The following APAF1 variants were observed in gnomAD, a reference collection of about 807,000 sequenced individuals.
APAF1 encodes the protein apoptotic peptidase activating factor 1.
APAF1 carries 91 observed loss-of-function variants against 152.4 expected under a neutral mutation model. The observed-to-expected ratio is 0.60, with a 90% CI of 0.50 to 0.71. APAF1 has a LOEUF of 0.71. APAF1 is among the 30% of genes least tolerant of loss of function. The pLI is 0.00. For missense variants in APAF1, 1,283 were observed against 1,472.0 expected, an observed-to-expected ratio of 0.87 and a Z score of 2.10; for synonymous variants, 484 against 494.1, an observed-to-expected ratio of 0.98 and a Z score of 0.27.
At chr12:98,678,585 G>T (rs2097688982) in intron 13 of APAF1, among the ~76,000 whole-genome samples, 1 of 152,244 alleles carries the variant, frequency 6.6e-6, no homozygotes, top group Non-Finnish European at 1.5e-5. Context: ...GAGCAGGCAG[G>T]ACCCCTTCCC....
Position 98,686,741 on chromosome 12 carries a change from C to A in APAF1, c.2179-7C>A. 6.2e-7 allele frequency: 1 copy of A among 1,612,392 alleles called. No homozygotes were observed. ...TGTTTATTTATCTTTTTTTCTTTCA[C>A]AAATAGCTTTGGGATTTGAATCAAA... On this transcript the variant is annotated splice_polypyrimidine_tract_variant and splice_region_variant and intron_variant, in intron 15 of 26. Transcript: ENST00000551964.
intron 21 of APAF1, among the ~76,000 whole-genome samples, chr12:98,714,956 C>G (rs900587151): frequency 8.7e-5 from 13 of 149,944 alleles, no homozygotes; most frequent in African/African-American, 2.4e-4. Flanking sequence ...CACCAGCCTT[C>G]TGATATCCTG....
At chr12:98,708,423 C>G (rs1593095630) in intron 19 of APAF1, among the ~76,000 whole-genome samples, 162 bp from the exon 20 acceptor site, 1 of 152,328 alleles carries the variant, frequency 6.6e-6, no homozygotes, top group East Asian at 1.9e-4. Flanking sequence ...CTGCATCTTA[C>G]TATAGATTGT....
intron 15 of APAF1, among the ~76,000 whole-genome samples, chr12:98,685,537 A>G (rs2097697075): frequency 6.6e-6 from 1 of 151,936 alleles, no homozygotes; most frequent in African/African-American, 2.4e-5. Flanking sequence ...GGTTTTCATT[A>G]TGTTGGCCAG....
At chr12:98,715,094 G>T in intron 21 of APAF1, among the ~76,000 whole-genome samples, 1 of 145,806 alleles carries the variant, frequency 6.9e-6, no homozygotes, top group African/African-American at 2.5e-5. Context: ...TTTTTGGAGG[G>T]CAAGCCCAGA....
At chr12:98,719,560 G>A (rs1336455417) in intron 22 of APAF1, among the ~76,000 whole-genome samples, 2 of 150,946 alleles carry the variant, frequency 1.3e-5, no homozygotes, top group African/African-American at 4.9e-5. Context: ...CACCATGTTG[G>A]CCAGGATGGT....
intron 16 of APAF1, among the ~76,000 whole-genome samples, chr12:98,688,968 A>G (rs1275460585): frequency 6.6e-6 from 1 of 151,860 alleles, no homozygotes; most frequent in East Asian, 1.9e-4. Context: ...GCCTGCTACC[A>G]TGCCCAGCTA....
chr12:98,719,391 C>T (rs1221446929), intron 22 of APAF1, among the ~76,000 whole-genome samples: 1 of 151,974 alleles, frequency 6.6e-6, no homozygotes, highest in Non-Finnish European at 1.5e-5. Context: ...TGCTCTGTTG[C>T]CAGGCTGGAG....
At chr12:98,720,112 G>A (rs1192514118) in intron 22 of APAF1, among the ~76,000 whole-genome samples, 1 of 152,142 alleles carries the variant, frequency 6.6e-6, no homozygotes, top group African/African-American at 2.4e-5. Flanking sequence ...ATCTGATGAA[G>A]TTCTTTTGAG....
chr12:98,665,943 C>A, intron 8 of APAF1, 152 bp downstream of exon 8: 1 of 780,852 alleles, frequency 1.3e-6, no homozygotes, highest in South Asian at 1.5e-5. Context: ...CTGCTGTTAG[C>A]TTCCATTAAG....
In APAF1 at chr12:98,653,696, A is replaced by ATC. The variant is rs1231737513; in HGVS notation, c.526+4013_526+4014insCT. Among the ~76,000 whole-genome samples, 209 of 83,392 alleles carry ATC rather than the reference A, an allele frequency of 2.5e-3. 9 individuals carry two copies. The highest frequency in any genetic ancestry group is 0.012 in the African/African-American group (203 of 17,496). 54.7% of individuals were successfully genotyped at this position (83,392 alleles called of 152,430 possible). A position where few individuals can be genotyped will look rare whatever the true frequency, so the allele number is the denominator to read the frequency against. ...AAAAAAAAAAAAAAAAAAAAAATAT[A>ATC]TATATATATATATATATATATATAT... On this transcript the variant is annotated intron_variant, in intron 4 of 26. Coordinates refer to ENST00000551964, the MANE Select transcript of APAF1 (RefSeq NM_181861.2).
intron 7 of APAF1, among the ~76,000 whole-genome samples, chr12:98,665,140 C>A (rs1356363895): frequency 2.0e-5 from 3 of 151,500 alleles, no homozygotes; most frequent in African/African-American, 7.3e-5. Flanking sequence ...AGCAATCCTC[C>A]CACCTCAGCC....
At chr12:98,682,849 T>C (rs948076500) in intron 14 of APAF1, among the ~76,000 whole-genome samples, 1 of 152,220 alleles carries the variant, frequency 6.6e-6, no homozygotes, top group Non-Finnish European at 1.5e-5. Context: ...TCTGCCTGCT[T>C]TCATTCATAT....
chr12:98,646,691 A>G (rs2097641020), intron 1 of APAF1, among the ~76,000 whole-genome samples: 1 of 152,338 alleles, frequency 6.6e-6, no homozygotes, highest in South Asian at 2.1e-4. Context: ...AAACCCGTTT[A>G]GACTCTTTCA....
At chr12:98,647,725 T>G (rs867128710) in intron 1 of APAF1, among the ~76,000 whole-genome samples, 4 of 143,318 alleles carry the variant, frequency 2.8e-5, no homozygotes, top group Non-Finnish European at 6.1e-5. Context: ...TTTTTTTTTT[T>G]CAGCAACAGT....
intron 22 of APAF1, among the ~76,000 whole-genome samples, chr12:98,716,721 T>C (rs2097735109): frequency 6.6e-6 from 1 of 152,238 alleles, no homozygotes; most frequent in African/African-American, 2.4e-5. Context: ...TTCATGGAAG[T>C]TGAATTATTT....
intron 22 of APAF1, among the ~76,000 whole-genome samples, chr12:98,722,360 C>CTT (rs978614665): frequency 6.6e-5 from 10 of 152,144 alleles, no homozygotes; most frequent in Non-Finnish European, 1.2e-4. Context: ...TTGCTAAACT[C>CTT]TTAAGTTTCT....
intron 13 of APAF1, among the ~76,000 whole-genome samples, chr12:98,678,792 C>T (rs1276027469): frequency 6.6e-6 from 1 of 152,234 alleles, no homozygotes; most frequent in African/African-American, 2.4e-5. Flanking sequence ...GCAGCCCGGC[C>T]AGATGTGCAC....
rs10668292 is a variant in APAF1 at position 98,707,692 on chromosome 12, C to CTATATATATATATATATATA, written c.2722-892_2722-873dup. On this transcript the variant is annotated intron_variant, in intron 19 of 26. Coordinates refer to ENST00000551964, the MANE Select transcript of APAF1 (RefSeq NM_181861.2). ...TATATTCAAGACATTATGCAAAGTA[C>CTATATATATATATATATATA]TATATATATATATATATATACATAT... Among the ~76,000 whole-genome samples, 1,247 of 139,116 alleles carry CTATATATATATATATATATA rather than the reference C, an allele frequency of 9.0e-3. 22 individuals carry two copies. Among genetic ancestry groups the CTATATATATATATATATATA allele is most frequent in the East Asian group, 0.028 (126 of 4,500 alleles). 91.3% of individuals were successfully genotyped at this position (139,116 alleles called of 152,430 possible). A position where few individuals can be genotyped will look rare whatever the true frequency, so the allele number is the denominator to read the frequency against.
Sources: gnomAD v4.1 joint callset for allele counts (sites outside exome capture counted in the v4.1 genomes callset) on GRCh38, gnomAD v4.1.1 for gene constraint, MANE v1.5 for transcripts, NCBI Gene and HGNC (gene_info 2026-07-23, HGNC 2026-07-21) for gene names.